Variants in CSGALNACT2 observed in about 807,000 individuals in gnomAD.
The protein encoded by CSGALNACT2 is beta 4 GalNAcT-2.
In CSGALNACT2, 35 loss-of-function variants were observed where a neutral mutation model predicts 55.3. The ratio of observed to expected loss-of-function variants is 0.63; its 90% CI spans 0.48 to 0.84. The LOEUF (loss-of-function observed/expected upper bound fraction) is 0.84. Among genes scored for constraint, CSGALNACT2 ranks in the 40% least tolerant of loss-of-function variants. CSGALNACT2 has a pLI of 0.00. For synonymous variants in CSGALNACT2, 196 were observed against 224.9 expected, an observed-to-expected ratio of 0.87 and a Z score of 1.15; for missense variants, 544 against 657.5, an observed-to-expected ratio of 0.83 and a Z score of 1.89.
intron 7 of CSGALNACT2, among the ~76,000 whole-genome samples, chr10:43,179,320 A>C (rs1480499617): frequency 6.7e-6 from 1 of 148,530 alleles, no homozygotes; most frequent in African/African-American, 2.5e-5. Context: ...TCTTTTTCGA[A>C]AACTAGACAT....
chr10:43,175,089 C>T (rs758721416), intron 6 of CSGALNACT2, among the ~76,000 whole-genome samples: 3 of 152,196 alleles, frequency 2.0e-5, no homozygotes, highest in Non-Finnish European at 4.4e-5. Context: ...ATAGCTGCAT[C>T]GTGCACTAGA....
intron 1 of CSGALNACT2, among the ~76,000 whole-genome samples, chr10:43,145,988 C>G (rs2133093515): frequency 6.6e-6 from 1 of 152,160 alleles, no homozygotes; most frequent in Middle Eastern, 3.4e-3. Context: ...GACTACATAG[C>G]AAGACTCTCT....
intron 4 of CSGALNACT2, among the ~76,000 whole-genome samples, chr10:43,161,058 C>T (rs1175859500): frequency 6.6e-6 from 1 of 152,164 alleles, no homozygotes; most frequent in Non-Finnish European, 1.5e-5. Flanking sequence ...TTTCACAGCT[C>T]AACATCACGA....
At position 43,155,193 on chromosome 10, in the gene CSGALNACT2, T is replaced by C; in HGVS notation, c.44T>C (p.Leu15Ser). ...GLILHTRTHWLLLGLALLCSL... is the reference protein window; with the variant it reads ...GLILHTRTHWSLLGLALLCSL... Reference sequence around the variant, plus strand: ...ATTCTTCACACCCGGACCCACTGGTTGCTGTTGGGCCTTGCTTTGCTCTGC... The same window carrying C: ...ATTCTTCACACCCGGACCCACTGGTCGCTGTTGGGCCTTGCTTTGCTCTGC... The change falls in exon 2 of 8, where the codon TTG becomes TCG. Residue 15 changes from leucine to serine, a missense_variant. Around this residue, in one of 2 missense-constraint regions of CSGALNACT2, gnomAD observed 374 missense variants for 401.3 expected, o/e 0.93. Transcript: ENST00000374466. 1 of 1,614,182 alleles carries C rather than the reference T, an allele frequency of 6.2e-7. No homozygotes were observed. The highest frequency in any genetic ancestry group is 8.5e-7 in the Non-Finnish European group (1 of 1,179,996).
rs781001147 is a variant in CSGALNACT2 at position 43,155,099 on chromosome 10, G to A, written c.-51G>A. Reference sequence around the variant, plus strand: ...AATTTTTGATAACTTTTTACTAAAGGTATGAACACACAAAGAGCTTATTTT... The same window carrying A: ...AATTTTTGATAACTTTTTACTAAAGATATGAACACACAAAGAGCTTATTTT... On this transcript the variant is annotated 5_prime_UTR_variant, in exon 2 of 8. Transcript: ENST00000374466. 1.9e-5 allele frequency: 26 copies of A among 1,367,560 alleles called. No individual in the cohort carries two copies. The highest frequency in any genetic ancestry group is 1.9e-4 in the Middle Eastern group (1 of 5,386). The allele number at this position is 1,367,560 out of a possible 1,614,324, so 84.7% of individuals were successfully genotyped here. A position where few individuals can be genotyped will look rare whatever the true frequency, so the allele number is the denominator to read the frequency against.
chr10:43,176,176 G>T, intron 7 of CSGALNACT2, 144 bp downstream of exon 7: 1 of 524,568 alleles, frequency 1.9e-6, no homozygotes, highest in Non-Finnish European at 3.2e-6. Context: ...ATATACAAAA[G>T]GCAAAATAAG....
In CSGALNACT2 at chr10:43,154,922, T is replaced by G; in HGVS notation, c.-228T>G. ...AAAAATCACTACCAATATAATGGAT[T>G]TTATATATCAGATTGCTTTATTCTG... On this transcript the variant is annotated 5_prime_UTR_variant, in exon 2 of 8. The change creates a new upstream start codon in the 5' untranslated region. Transcript: ENST00000374466. The G allele has an allele frequency of 2.0e-6, 1 of 501,898 alleles. No homozygotes were observed. The highest frequency in any genetic ancestry group is 3.3e-5 in the East Asian group (1 of 30,430). The allele number at this position is 501,898 out of a possible 1,614,324, so 31.1% of individuals were successfully genotyped here. A position where few individuals can be genotyped will look rare whatever the true frequency, so the allele number is the denominator to read the frequency against.
chr10:43,163,836 TATC>T (rs769242624), intron 4 of CSGALNACT2, 27 bp from the exon 5 acceptor site: 11 of 1,586,718 alleles, frequency 6.9e-6, no homozygotes, highest in South Asian at 4.6e-5. Flanking sequence ...AAGTGGGACT[TATC>T]ATTTGTTGTG....
intron 6 of CSGALNACT2, among the ~76,000 whole-genome samples, chr10:43,174,538 G>GGAAGCCTGCTGTCATCTTGGTT (rs1839442826): frequency 6.6e-6 from 1 of 152,158 alleles, no homozygotes; most frequent in Admixed American, 6.5e-5. Flanking sequence ...TGTTCAGGAC[G>GGAAGCCTGCTGTCATCTTGGTT]GAAGCCTGCT....
chr10:43,180,078 G>A (rs956197884), intron 7 of CSGALNACT2, among the ~76,000 whole-genome samples: 1 of 152,194 alleles, frequency 6.6e-6, no homozygotes, highest in Non-Finnish European at 1.5e-5. Flanking sequence ...ACACTGGGTA[G>A]GGGCAGGAGG....
intron 1 of CSGALNACT2, among the ~76,000 whole-genome samples, chr10:43,141,829 A>G (rs543283844): frequency 2.3e-4 from 35 of 152,250 alleles, no homozygotes; most frequent in African/African-American, 8.4e-4. Context: ...CCAGGGAGAA[A>G]TAAGTATCAG....
intron 5 of CSGALNACT2, among the ~76,000 whole-genome samples, chr10:43,164,791 A>G (rs1839225483): frequency 6.6e-6 from 1 of 151,768 alleles, no homozygotes; most frequent in South Asian, 2.1e-4. Context: ...AGGTTGCAGT[A>G]AGCCAAGATC....
At chr10:43,173,859 G>A (rs1022253533) in intron 6 of CSGALNACT2, among the ~76,000 whole-genome samples, 3 of 152,030 alleles carry the variant, frequency 2.0e-5, no homozygotes, top group Non-Finnish European at 2.9e-5. Flanking sequence ...CAGGTGTGGT[G>A]GCGCACACCT....
intron 6 of CSGALNACT2, among the ~76,000 whole-genome samples, chr10:43,175,358 G>A (rs1382853988): frequency 6.6e-6 from 1 of 152,184 alleles, no homozygotes; most frequent in African/African-American, 2.4e-5. Flanking sequence ...TTAGAAGAAC[G>A]AAGGAGCTTT....
intron 6 of CSGALNACT2, among the ~76,000 whole-genome samples, chr10:43,168,311 C>T (rs1157565010): frequency 2.0e-5 from 3 of 151,912 alleles, no homozygotes; most frequent in Admixed American, 6.6e-5. Flanking sequence ...ATTAGCCAGG[C>T]GTGGTGGCAC....
chr10:43,173,462 A>C (rs1203956449), intron 6 of CSGALNACT2, among the ~76,000 whole-genome samples: 1 of 152,222 alleles, frequency 6.6e-6, no homozygotes, highest in Non-Finnish European at 1.5e-5. Context: ...AAATATTAAC[A>C]ATAAGGATTA....
chr10:43,149,646 G>A (rs1207740295), intron 1 of CSGALNACT2, among the ~76,000 whole-genome samples: 1 of 152,102 alleles, frequency 6.6e-6, no homozygotes, highest in South Asian at 2.1e-4. Flanking sequence ...TAGGATATTG[G>A]CCTATGGTTT....
chr10:43,164,586 C>A (rs184373126), intron 5 of CSGALNACT2, among the ~76,000 whole-genome samples: 1 of 152,190 alleles, frequency 6.6e-6, no homozygotes, highest in Non-Finnish European at 1.5e-5. Flanking sequence ...CAGGGGCTCA[C>A]GCCTATAATC....
At position 43,183,982 on chromosome 10, in the gene CSGALNACT2, C is replaced by G. The variant is rs1478623227; in HGVS notation, c.*440C>G. On this transcript the variant is annotated 3_prime_UTR_variant, in exon 8 of 8. Coordinates refer to ENST00000374466, the MANE Select transcript of CSGALNACT2 (RefSeq NM_018590.5). The stretch of plus-strand genomic sequence containing the variant: ...GATAGGTATCTTCACCTGCCCGCCC[C>G]TGAGTCAGCCTCCTTGACTTGATAG... The G allele has an allele frequency of 6.3e-6, 1 of 158,906 alleles. No homozygotes were observed. Among genetic ancestry groups the G allele is most frequent in the Non-Finnish European group, 1.4e-5 (1 of 72,036 alleles). The allele number at this position is 158,906 out of a possible 1,614,324, so 9.8% of individuals were successfully genotyped here.
Sources: gnomAD v4.1 joint callset for allele counts (sites outside exome capture counted in the v4.1 genomes callset) on GRCh38, gnomAD v4.1.1 for gene constraint, gnomAD v4.1.1 regional missense constraint, MANE v1.5 for transcripts, NCBI Gene and HGNC (gene_info 2026-07-23, HGNC 2026-07-21) for gene names.